Variants in PUF60 observed in about 807,000 individuals in gnomAD.
The protein encoded by PUF60 is poly(U) binding splicing factor 60.
A neutral mutation model predicts 61.8 loss-of-function variants in PUF60; 10 were observed. The ratio of observed to expected loss-of-function variants is 0.16; its 90% CI spans 0.10 to 0.27. PUF60 has a LOEUF of 0.27. PUF60 is among the 10% of genes least tolerant of loss of function. The pLI is 1.00. For missense variants in PUF60, 371 were observed against 754.0 expected (o/e 0.49, Z 5.95); for synonymous variants, 353 against 300.9 (o/e 1.17, Z -1.79).
chr8:143,816,870 C>G (rs772683574), intron 11 of PUF60, 40 bp downstream of exon 11: 7 of 1,583,410 alleles, frequency 4.4e-6, no homozygotes, highest in African/African-American at 1.3e-5. Context: ...GCCCCGCCCC[C>G]CTACCCTCTC....
rs1490264312 is a variant in PUF60 at position 143,818,775 on chromosome 8, G to C, written c.349-241C>G. ...CGCACCCCAGCCCGCCAAGGTCCCA[G>C]GCAGACTGCGGCAGCAAAGCCGACA... On this transcript the variant is annotated intron_variant, in intron 5 of 11. Coordinates refer to ENST00000526683, the MANE Select transcript of PUF60 (RefSeq NM_078480.3). The surrounding 1 kb of genome is among the most constrained non-coding windows in gnomAD (Gnocchi z 7.9). 8 of 552,454 alleles carry C rather than the reference G, an allele frequency of 1.4e-5. No individual in the cohort carries two copies. In the African/African-American group the frequency reaches 1.5e-4, roughly 10 times the overall value. 34.2% of individuals were successfully genotyped at this position (552,454 alleles called of 1,614,324 possible). A position where few individuals can be genotyped will look rare whatever the true frequency, so the allele number is the denominator to read the frequency against.
At position 143,818,520 on chromosome 8, in the gene PUF60, C is replaced by A; in HGVS notation, c.363G>T (p.Arg121=). The change falls in exon 6 of 12, where the codon CGG becomes CGT. Residue 121 remains arginine, a synonymous_variant. Coordinates refer to ENST00000526683, the MANE Select transcript of PUF60 (RefSeq NM_078480.3). This position sits in a 1 kb window ranked among gnomAD's most constrained non-coding sequence, Gnocchi z 7.9. ...LSPLQSMAAQ[R]QRALAIMCRV... is the part of the protein sequence containing the mutation. ...GGCACATGATGGCCAGCGCCCGCTG[C>A]CGCTGAGCCGCCATCTGCAGCAGGA... is the stretch of plus-strand genomic sequence containing the variant. The A allele has an allele frequency of 6.3e-7, 1 of 1,595,718 alleles. No individual in the cohort carries two copies. The highest frequency in any genetic ancestry group is 1.1e-5 in the South Asian group (1 of 88,610).
At chr8:143,822,721 C>T (rs372943095) in intron 2 of PUF60, 3 of 369,106 alleles carry the variant, frequency 8.1e-6, no homozygotes, top group East Asian at 7.4e-5. Context: ...TGTCAAAATC[C>T]ATCTCTAAGC....
intron 1 of PUF60, chr8:143,827,490 G>A (rs1259908450): frequency 4.4e-6 from 2 of 455,568 alleles, no homozygotes; most frequent in African/African-American, 4.0e-5. Context: ...TCCCCACCAG[G>A]CCACTGTCAG....
intron 1 of PUF60, among the ~76,000 whole-genome samples, chr8:143,827,976 ACT>A (rs1440257947): frequency 4.0e-5 from 6 of 151,518 alleles, no homozygotes; most frequent in Non-Finnish European, 8.8e-5. Context: ...TTCACCATCA[ACT>A]CTCTGACTGC....
chr8:143,824,510 G>C, intron 1 of PUF60, 111 bp from the exon 2 acceptor site: 2 of 1,120,288 alleles, frequency 1.8e-6, no homozygotes, highest in Non-Finnish European at 2.6e-6. Flanking sequence ...AGGGAGGCCA[G>C]GCAGGGAGGC....
At chr8:143,826,420 T>A (rs545493189) in intron 1 of PUF60, among the ~76,000 whole-genome samples, 24 of 152,110 alleles carry the variant, frequency 1.6e-4, no homozygotes, top group Middle Eastern at 3.4e-3. Context: ...AAGATTTTTT[T>A]AAAAAGTAAT....
intron 4 of PUF60, 180 bp downstream of exon 4, chr8:143,821,417 A>G: frequency 3.2e-6 from 2 of 625,574 alleles, no homozygotes; most frequent in Non-Finnish European, 5.6e-6. Flanking sequence ...AACAGGTGGG[A>G]AAGGCTGGGC....
chr8:143,822,877 C>A (rs1052060054), intron 2 of PUF60: 3 of 316,668 alleles, frequency 9.5e-6, no homozygotes, highest in Non-Finnish European at 1.9e-5. Flanking sequence ...CCGGGCCCTC[C>A]GAGACTTCCA....
intron 1 of PUF60, chr8:143,828,903 C>T (rs575092504): frequency 2.0e-6 from 2 of 984,594 alleles, no homozygotes; most frequent in East Asian, 2.3e-4. Flanking sequence ...CCACGCGTCA[C>T]CCCCAGAACC....
At chr8:143,828,212 C>T (rs1437965869) in intron 1 of PUF60, among the ~76,000 whole-genome samples, 1 of 152,226 alleles carries the variant, frequency 6.6e-6, no homozygotes, top group Non-Finnish European at 1.5e-5. Context: ...GGACATGGGA[C>T]CAGCCCGCCC....
intron 4 of PUF60, among the ~76,000 whole-genome samples, chr8:143,820,927 G>A (rs1472537252): frequency 1.3e-5 from 2 of 152,188 alleles, no homozygotes; most frequent in African/African-American, 4.8e-5. Flanking sequence ...GGGCCGGCTG[G>A]GGCAGAAAGG....
chr8:143,816,658 C>A lies in PUF60; in HGVS notation c.1542G>T (p.Lys514Asn). ...GEEEDAEIIV[K>N]IFVEFSIASE... ...AGGCTATGGAAAACTCCACAAAGAT[C>A]TTGACAATGATTTCTGCATCCTCCT... Residue 514 changes from lysine (K) to asparagine (N), a missense_variant, in exon 12 of 12, where the codon AAG (lysine) becomes AAT (asparagine). Lys to Asn is a moderately conservative substitution (Grantham distance 94). Transcript: ENST00000526683. 2 of 1,613,906 alleles carry A rather than the reference C, an allele frequency of 1.2e-6. 1 individual carries two copies. Among genetic ancestry groups the A allele is most frequent in the South Asian group, 2.2e-5 (2 of 91,090 alleles).
intron 1 of PUF60, among the ~76,000 whole-genome samples, chr8:143,825,644 G>A (rs6990601): frequency 0.82 from 125,356 of 152,130 alleles, 53,253 homozygotes; most frequent in East Asian, 0.98. Context: ...CGCCACACCT[G>A]GCTAATTTTT....
intron 1 of PUF60, 95 bp downstream of exon 1, chr8:143,829,185 G>A (rs1274021079): frequency 2.4e-6 from 3 of 1,226,508 alleles, no homozygotes; most frequent in East Asian, 3.2e-5. Context: ...TGGGAAGACC[G>A]CCGCGTTCTT....
At chr8:143,827,649 G>A (rs1817783344) in intron 1 of PUF60, 2 of 348,986 alleles carry the variant, frequency 5.7e-6, no homozygotes, top group South Asian at 4.2e-5. Flanking sequence ...AGAGGAATGG[G>A]TTAGACCACA....
At chr8:143,821,783 C>G (rs771680062) in intron 3 of PUF60, 35 bp downstream of exon 3, 17 of 1,592,744 alleles carry the variant, frequency 1.1e-5, no homozygotes, top group Admixed American at 1.7e-5. Context: ...GTTGACTGTC[C>G]CACACCTGCA....
At chr8:143,826,862 C>CA (rs1231119666) in intron 1 of PUF60, among the ~76,000 whole-genome samples, 1 of 152,236 alleles carries the variant, frequency 6.6e-6, no homozygotes, top group Non-Finnish European at 1.5e-5. Context: ...AACACGCCCC[C>CA]AACCCCACAA....
At position 143,818,833 on chromosome 8, in the gene PUF60, A is replaced by C. The variant is rs1219669544; in HGVS notation, c.349-299T>G. 5 of 419,002 alleles carry C rather than the reference A, an allele frequency of 1.2e-5. No homozygotes were observed. The highest frequency in any genetic ancestry group is 2.0e-5 in the African/African-American group (1 of 49,700). The allele number at this position is 419,002 out of a possible 1,614,324, so 26.0% of individuals were successfully genotyped here. On this transcript the variant is annotated intron_variant, in intron 5 of 11. Transcript: ENST00000526683. This position sits in a 1 kb window ranked among gnomAD's most constrained non-coding sequence, Gnocchi z 7.9. ...AGGAGGCAGGGCTGTGCGCCCTCCCACCCAGACCACCCCTCCAGTCTGGGG... is the reference window on the plus strand; with the variant it reads ...AGGAGGCAGGGCTGTGCGCCCTCCCCCCCAGACCACCCCTCCAGTCTGGGG...
Sources: allele counts gnomAD v4.1 joint callset (sites outside exome capture counted in the v4.1 genomes callset), GRCh38; gene constraint gnomAD v4.1.1; non-coding constraint Gnocchi (gnomAD v3.1); transcripts MANE v1.5; gene names NCBI Gene and HGNC (gene_info 2026-07-23, HGNC 2026-07-21).